The following RAB40C variants were observed in gnomAD, a reference collection of about 807,000 sequenced individuals.
RAB40C encodes RAB40C, member RAS oncogene family.
RAB40C carries 8 observed loss-of-function variants against 28.1 expected under a neutral mutation model. That is an observed-to-expected ratio of 0.28 (90% CI 0.17 to 0.51). The LOEUF is 0.51. Among genes scored for constraint, RAB40C ranks in the 20% least tolerant of loss-of-function variants. The pLI, the probability that RAB40C is intolerant of heterozygous loss-of-function variation, is 0.97. For synonymous variants in RAB40C, 201 were observed against 171.7 expected (o/e 1.17, Z -1.34); for missense variants, 288 against 405.9 (o/e 0.71, Z 2.50).
chr16:620,853 A>G lies in RAB40C; in HGVS notation c.264+2593A>G, dbSNP rs28766574. On this transcript the variant is annotated intron_variant, in intron 3 of 5. Coordinates refer to ENST00000248139, the MANE Select transcript of RAB40C (RefSeq NM_021168.5). ...CACCCCCCCCGACGGGCTCCACCGC[A>G]GGCATCCCAGCTCCCACACAGGGAG... Among the ~76,000 whole-genome samples, 1,063 of 122,086 alleles carry G rather than the reference A, an allele frequency of 8.7e-3. 14 individuals carry two copies. Among genetic ancestry groups the G allele is most frequent in the African/African-American group, 0.029 (936 of 31,878 alleles). The allele number at this position is 122,086 out of a possible 152,430, so 80.1% of individuals were successfully genotyped here. A position where few individuals can be genotyped will look rare whatever the true frequency, so the allele number is the denominator to read the frequency against.
rs529993918 is a variant in RAB40C, at chr16:602,368, C to T, written c.142+11935C>T. Among the ~76,000 whole-genome samples the T allele has an allele frequency of 3.3e-5, 5 of 151,846 alleles. No individual in the cohort carries two copies. In the South Asian group the frequency reaches 8.3e-4, roughly 25 times the overall value. On this transcript the variant is annotated intron_variant, in intron 1 of 5. Coordinates refer to ENST00000248139, the MANE Select transcript of RAB40C (RefSeq NM_021168.5). Reference sequence around the variant, plus strand: ...TTCCAGGGTTCTAGTGATCCTCCCGCCTCAGCCTCTCAAGTAGCTAAGACC... The same window carrying T: ...TTCCAGGGTTCTAGTGATCCTCCCGTCTCAGCCTCTCAAGTAGCTAAGACC...
chr16:590,375 C>A lies in RAB40C; in HGVS notation c.84C>A (p.Gly28=). The stretch of plus-strand genomic sequence containing the variant: ...TGGGCGACAGCGACGTGGGCAAGGG[C>A]GAGATCCTGGAGAGCCTGCAGGACG... ...LLVGDSDVGK[G]EILESLQDGA... is the part of the protein sequence containing the mutation. Residue 28 remains glycine (G), a synonymous_variant, in exon 1 of 6, where the codon GGC becomes GGA. Coordinates refer to ENST00000248139, the MANE Select transcript of RAB40C (RefSeq NM_021168.5). The A allele has an allele frequency of 6.3e-7, 1 of 1,598,124 alleles. No individual in the cohort carries two copies. Among genetic ancestry groups the A allele is most frequent in the South Asian group, 1.1e-5 (1 of 89,390 alleles).
upstream of RAB40C, chr16:589,959 T>C (rs1164317054): frequency 1.8e-5 from 2 of 108,628 alleles, no homozygotes; most frequent in East Asian, 2.9e-4. Context: ...CGGCGCCGTG[T>C]GGAACGCCGT....
At chr16:599,452 T>A (rs2036203213) in intron 1 of RAB40C, among the ~76,000 whole-genome samples, 1 of 152,248 alleles carries the variant, frequency 6.6e-6, no homozygotes, top group Non-Finnish European at 1.5e-5. Flanking sequence ...AGGAGGCAGC[T>A]TCCCTTGGGG....
At chr16:607,836 CAAAAAAG>C (rs914444586) in intron 1 of RAB40C, among the ~76,000 whole-genome samples, 36 of 152,162 alleles carry the variant, frequency 2.4e-4, no homozygotes, top group African/African-American at 8.2e-4. Flanking sequence ...GTAAAGCAGA[CAAAAAAG>C]AAAAAGAAAA....
chr16:609,634 T>A (rs1189544758), intron 1 of RAB40C, among the ~76,000 whole-genome samples: 1 of 152,064 alleles, frequency 6.6e-6, no homozygotes. Flanking sequence ...AGATACCGCA[T>A]CCACGAATGA....
intron 1 of RAB40C, among the ~76,000 whole-genome samples, chr16:609,463 A>C (rs1056148030): frequency 4.6e-5 from 7 of 152,046 alleles, no homozygotes; most frequent in Non-Finnish European, 8.8e-5. Context: ...GTCAGCCCAA[A>C]AGAAGCGGCC....
chr16:594,003 G>A (rs2036058360), intron 1 of RAB40C, among the ~76,000 whole-genome samples: 1 of 152,196 alleles, frequency 6.6e-6, no homozygotes. Context: ...AGGCTCCAGG[G>A]TGTGGGCCAG....
chr16:595,314 G>C (rs753111498), intron 1 of RAB40C, among the ~76,000 whole-genome samples: 2 of 152,214 alleles, frequency 1.3e-5, no homozygotes, highest in Admixed American at 6.5e-5. Flanking sequence ...ACGAGGGATT[G>C]AGGCTCAGGA....
chr16:598,803 A>G (rs1281582715), intron 1 of RAB40C, among the ~76,000 whole-genome samples: 1 of 152,184 alleles, frequency 6.6e-6, no homozygotes, highest in Non-Finnish European at 1.5e-5. Context: ...GGAAATGGGC[A>G]GGTACTTTAC....
chr16:625,429 C>T lies in RAB40C; in HGVS notation c.265-3C>T. 2 of 1,613,170 alleles carry T rather than the reference C, an allele frequency of 1.2e-6. No homozygotes were observed. The highest frequency in any genetic ancestry group is 1.7e-6 in the Non-Finnish European group (2 of 1,179,726). ...CCTGATGACCCCCAAGTCTCTGTTG[C>T]AGGGGATCCTCTTGGTGTATGACAT... On this transcript the variant is annotated splice_polypyrimidine_tract_variant and splice_region_variant and intron_variant, in intron 3 of 5. Transcript: ENST00000248139.
In RAB40C at chr16:616,838, C is replaced by A. The variant is rs1485502063; in HGVS notation, c.143-370C>A. On this transcript the variant is annotated intron_variant, in intron 1 of 5. Coordinates refer to ENST00000248139, the MANE Select transcript of RAB40C (RefSeq NM_021168.5). The stretch of plus-strand genomic sequence containing the variant: ...GTCCACGCCCTGCCTTTGCCCAATG[C>A]CCTCTGAGGGAGAGGCCCTGTGCCT... 3 of 243,840 alleles carry A rather than the reference C, an allele frequency of 1.2e-5. No homozygotes were observed. The Admixed American group carries it at 1.5e-4, about 12-fold the overall frequency. The allele number at this position is 243,840 out of a possible 1,614,324, so 15.1% of individuals were successfully genotyped here.
intron 1 of RAB40C, among the ~76,000 whole-genome samples, chr16:604,406 C>G (rs533559420): frequency 6.6e-6 from 1 of 152,254 alleles, no homozygotes; most frequent in Non-Finnish European, 1.5e-5. Context: ...AGGTGTTTCT[C>G]TAGAATACAC....
intron 1 of RAB40C, among the ~76,000 whole-genome samples, chr16:595,968 C>T (rs4144003): frequency 0.46 from 69,210 of 152,100 alleles, 16,170 homozygotes; most frequent in East Asian, 0.63. Context: ...ACTGTTGAGT[C>T]AGTAGGTAGA....
intron 3 of RAB40C, among the ~76,000 whole-genome samples, chr16:620,064 G>A (rs944519219): frequency 6.6e-6 from 1 of 152,224 alleles, no homozygotes; most frequent in East Asian, 1.9e-4. Flanking sequence ...AGACGGGCAG[G>A]CTCAAGGATG....
chr16:596,932 G>A (rs896795642), intron 1 of RAB40C, among the ~76,000 whole-genome samples: 2 of 152,202 alleles, frequency 1.3e-5, no homozygotes, highest in Non-Finnish European at 1.5e-5. Flanking sequence ...CGGCTGTCTC[G>A]TGCTGAGATC....
intron 4 of RAB40C, 36 bp from the exon 5 acceptor site, chr16:625,863 C>A: frequency 6.4e-7 from 1 of 1,568,184 alleles, no homozygotes; most frequent in South Asian, 1.1e-5. Context: ...GGGTGGCACC[C>A]TGCGTTTGTG....
At chr16:622,106 C>G (rs1001592986) in intron 3 of RAB40C, among the ~76,000 whole-genome samples, 1 of 152,120 alleles carries the variant, frequency 6.6e-6, no homozygotes, top group Admixed American at 6.5e-5. Context: ...GTTCAAACCT[C>G]GGATCTTTGT....
In RAB40C at chr16:615,305, C is replaced by T. The variant is rs148550288; in HGVS notation, c.143-1903C>T. On this transcript the variant is annotated intron_variant, in intron 1 of 5. Coordinates refer to ENST00000248139, the MANE Select transcript of RAB40C (RefSeq NM_021168.5). The stretch of plus-strand genomic sequence containing the variant: ...AGCGCTGATGCCTGAAGAAGGGCAC[C>T]GTAGGCAGAGAGACCGCATGGCTGG... 3.2e-3 allele frequency among the ~76,000 whole-genome samples: 484 copies of T among 152,242 alleles called. 5 individuals are homozygous for T. The highest frequency in any genetic ancestry group is 0.011 in the African/African-American group (442 of 41,536).
Sources: gnomAD v4.1 joint callset for allele counts (sites outside exome capture counted in the v4.1 genomes callset) on GRCh38, gnomAD v4.1.1 for gene constraint, MANE v1.5 for transcripts, NCBI Gene and HGNC (gene_info 2026-07-23, HGNC 2026-07-21) for gene names.